The following ZFAT variants were observed in gnomAD, a reference collection of about 807,000 sequenced individuals.
ZFAT encodes the protein zinc finger protein ZFAT.
A neutral mutation model predicts 117.7 loss-of-function variants in ZFAT; 64 were observed. That is an observed-to-expected ratio of 0.54 (90% CI 0.44 to 0.67). ZFAT has a LOEUF of 0.67. Among genes scored for constraint, ZFAT ranks in the 30% least tolerant of loss-of-function variants. The probability of loss-of-function intolerance (pLI) is 0.00; values close to 1 mark genes in which losing one functional copy is unlikely to be tolerated. For synonymous variants in ZFAT, 679 were observed against 615.0 expected, an observed-to-expected ratio of 1.10 and a Z score of -1.54; for missense variants, 1,433 against 1,584.5, an observed-to-expected ratio of 0.90 and a Z score of 1.62.
intron 10 of ZFAT, 37 bp downstream of exon 10, chr8:134,583,776 ATCAGCTTCAAACCACACAT>A: frequency 6.3e-7 from 1 of 1,584,458 alleles, no homozygotes; most frequent in South Asian, 1.2e-5. Flanking sequence ...AAACTGGAAC[ATCAGCTTCAAACCACACAT>A]TTAGAGGGGA....
chr8:134,764,745 T>C, the ZFAT span: 1 of 152,250 alleles, frequency 6.6e-6, no homozygotes, highest in Non-Finnish European at 1.5e-5. Context: ...CTAATTCTGC[T>C]TTTACTTTTT....
At chr8:134,554,806 T>G (rs1000513093) in intron 11 of ZFAT, among the ~76,000 whole-genome samples, 1 of 152,170 alleles carries the variant, frequency 6.6e-6, no homozygotes. Context: ...ACAACATGAT[T>G]TCTGGAATCT....
At chr8:134,702,170 C>A (rs1161816608) in intron 1 of ZFAT, among the ~76,000 whole-genome samples, 1 of 152,188 alleles carries the variant, frequency 6.6e-6, no homozygotes, top group African/African-American at 2.4e-5. Context: ...GCCTTCTCAG[C>A]CTCCAGAACT....
intron 15 of ZFAT, among the ~76,000 whole-genome samples, chr8:134,482,373 G>T (rs1368989225): frequency 2.0e-5 from 3 of 152,196 alleles, no homozygotes; most frequent in African/African-American, 7.2e-5. Context: ...TTCGCAGGCG[G>T]ATCTTGAAAA....
chr8:134,694,648 C>T (rs1287122203), intron 1 of ZFAT, among the ~76,000 whole-genome samples: 1 of 152,212 alleles, frequency 6.6e-6, no homozygotes, highest in African/African-American at 2.4e-5. Context: ...TCCTCCCCAT[C>T]GCTGGATCTT....
intron 15 of ZFAT, among the ~76,000 whole-genome samples, chr8:134,486,397 A>G (rs1586559378): frequency 2.0e-5 from 3 of 152,272 alleles, no homozygotes; most frequent in Admixed American, 2.0e-4. Context: ...CACCGTCGCC[A>G]CCACCACCAA....
intron 10 of ZFAT, among the ~76,000 whole-genome samples, chr8:134,575,864 G>T (rs1471856196): frequency 1.3e-5 from 2 of 152,232 alleles, no homozygotes; most frequent in Non-Finnish European, 2.9e-5. Flanking sequence ...GGTGATTTAT[G>T]CAGTGGCAAA....
intron 15 of ZFAT, among the ~76,000 whole-genome samples, chr8:134,498,323 G>C (rs867798183): frequency 1.3e-5 from 2 of 148,932 alleles, no homozygotes; most frequent in African/African-American, 2.5e-5. Flanking sequence ...GTAGGGTTGG[G>C]GTGGAGCTGG....
intron 12 of ZFAT, among the ~76,000 whole-genome samples, chr8:134,531,230 C>G (rs896578636): frequency 3.9e-5 from 6 of 152,202 alleles, no homozygotes; most frequent in African/African-American, 1.4e-4. Context: ...ATGATGGTAT[C>G]ATCACTCAGA....
intron 15 of ZFAT, among the ~76,000 whole-genome samples, chr8:134,497,201 A>G (rs1030271601): frequency 1.4e-4 from 21 of 152,322 alleles, no homozygotes; most frequent in Admixed American, 2.0e-4. Flanking sequence ...TTTACTGGAG[A>G]CGTTCTGAGT....
intron 7 of ZFAT, among the ~76,000 whole-genome samples, chr8:134,591,494 T>C (rs1826498851): frequency 6.6e-6 from 1 of 152,242 alleles, no homozygotes; most frequent in Non-Finnish European, 1.5e-5. Context: ...CGATTTCATA[T>C]CACTCTTTTC....
rs764782858 is a variant in ZFAT at position 134,602,731 on chromosome 8, A to G, written c.988T>C (p.Tyr330His). ...KHTGEKFACDYCSFTCLSKGH... is the reference protein window; with the variant it reads ...KHTGEKFACDHCSFTCLSKGH... ...TTGCTCAGGCAGGTGAACGAGCAATAGTCGCAGGCGAACTTCTCTCCAGTG... is the reference window on the plus strand; with the variant it reads ...TTGCTCAGGCAGGTGAACGAGCAATGGTCGCAGGCGAACTTCTCTCCAGTG... Residue 330 changes from tyrosine (Y) to histidine (H), a missense_variant, in exon 6 of 16, where the codon TAT (tyrosine) becomes CAT (histidine). Physicochemically the swap from Tyr to His is moderately conservative, Grantham distance 83. Around this residue, in one of 5 missense-constraint regions of ZFAT, gnomAD observed 436 missense variants for 482.0 expected, o/e 0.90. Coordinates refer to ENST00000377838, the MANE Select transcript of ZFAT (RefSeq NM_020863.4). 6 of 1,613,762 alleles carry G rather than the reference A, an allele frequency of 3.7e-6. No individual in the cohort carries two copies. Among genetic ancestry groups the G allele is most frequent in the Non-Finnish European group, 5.1e-6 (6 of 1,179,692 alleles).
At chr8:134,712,622 GCT>G (rs1814049140) in intron 1 of ZFAT, among the ~76,000 whole-genome samples, 1 of 63,484 alleles carries the variant, frequency 1.6e-5, no homozygotes, top group Non-Finnish European at 2.9e-5. Context: ...CTCCCGCCTT[GCT>G]TTTTTTTTTT....
chr8:134,782,896 T>C, the ZFAT span, among the ~76,000 whole-genome samples: 1 of 152,106 alleles, frequency 6.6e-6, no homozygotes, highest in Non-Finnish European at 1.5e-5. Flanking sequence ...GTAAGTTTTA[T>C]CATCCATTCC....
At chr8:134,595,359 CAGAG>C (rs149078595) in intron 7 of ZFAT, among the ~76,000 whole-genome samples, 11 of 151,582 alleles carry the variant, frequency 7.3e-5, no homozygotes, top group Admixed American at 2.6e-4. Flanking sequence ...TTTTGAGAGA[CAGAG>C]AGAGAATGCT....
chr8:134,693,955 A>G (rs1405002959), intron 1 of ZFAT, among the ~76,000 whole-genome samples: 1 of 152,232 alleles, frequency 6.6e-6, no homozygotes, highest in African/African-American at 2.4e-5. Context: ...ACGCAGCATT[A>G]TTTCTGCGCA....
chr8:134,771,765 G>T, the ZFAT span, among the ~76,000 whole-genome samples: 1 of 152,120 alleles, frequency 6.6e-6, no homozygotes, highest in South Asian at 2.1e-4. Context: ...TATTAAGTTT[G>T]TTTTAACACT....
chr8:134,793,590 T>C, the ZFAT span: 1 of 151,550 alleles, frequency 6.6e-6, no homozygotes, highest in East Asian at 1.9e-4. Context: ...CACAACAGGG[T>C]CTGTGCTCCT....
chr8:134,643,009 C>T (rs960782310), intron 2 of ZFAT, among the ~76,000 whole-genome samples: 1 of 152,238 alleles, frequency 6.6e-6, no homozygotes, highest in Non-Finnish European at 1.5e-5. Context: ...AAGCTTGCTC[C>T]TTGTACTTTT....
Sources: allele counts gnomAD v4.1 joint callset (sites outside exome capture counted in the v4.1 genomes callset), GRCh38; gene constraint gnomAD v4.1.1; regional missense constraint gnomAD v4.1.1; transcripts MANE v1.5; gene names NCBI Gene and HGNC (gene_info 2026-07-23, HGNC 2026-07-21).